The following GRK5 variants were observed in gnomAD, a reference collection of about 807,000 sequenced individuals.
GRK5 encodes g protein-coupled receptor kinase GRK5.
GRK5 carries 40 observed loss-of-function variants against 78.4 expected under a neutral mutation model. The ratio of observed to expected loss-of-function variants is 0.51; its 90% CI spans 0.40 to 0.66. GRK5 has a LOEUF of 0.66. Ranked by LOEUF, GRK5 falls within the 30% of genes least tolerant of loss-of-function variation. The pLI is 0.00. For synonymous variants in GRK5, 289 were observed against 296.8 expected (o/e 0.97, Z 0.27); for missense variants, 598 against 759.9 (o/e 0.79, Z 2.50).
At chr10:119,329,731 AAAAAAC>A (rs902923681) in intron 2 of GRK5, among the ~76,000 whole-genome samples, 36 of 152,150 alleles carry the variant, frequency 2.4e-4, no homozygotes, top group African/African-American at 7.5e-4. Context: ...ACTCTGTCTC[AAAAAAC>A]AAAAACAAAA....
chr10:119,449,150 T>G (rs1853221524), intron 13 of GRK5, among the ~76,000 whole-genome samples: 1 of 151,876 alleles, frequency 6.6e-6, no homozygotes, highest in South Asian at 2.1e-4. Flanking sequence ...TCTTCCCAAT[T>G]CCGTGTCCAA....
At chr10:119,401,033 C>G (rs1286156320) in intron 4 of GRK5, among the ~76,000 whole-genome samples, 1 of 152,150 alleles carries the variant, frequency 6.6e-6, no homozygotes. Context: ...GTGTCCCCGC[C>G]CCAGCATGAC....
At chr10:119,222,329 C>T (rs1359294483) in intron 1 of GRK5, among the ~76,000 whole-genome samples, 2 of 151,912 alleles carry the variant, frequency 1.3e-5, no homozygotes, top group East Asian at 1.9e-4. Flanking sequence ...TGTATCAGGT[C>T]GGGGGGCAGA....
At chr10:119,420,353 CA>C (rs71480796) in intron 4 of GRK5, among the ~76,000 whole-genome samples, 289 of 25,920 alleles carry the variant, frequency 0.011, 1 homozygote, top group African/African-American at 0.025. Flanking sequence ...AACAAACAAA[CA>C]AAAAAAAAAA....
intron 4 of GRK5, among the ~76,000 whole-genome samples, chr10:119,413,992 G>A (rs1230665436): frequency 2.6e-5 from 4 of 152,158 alleles, no homozygotes; most frequent in Non-Finnish European, 5.9e-5. Context: ...CCCCTCCTCT[G>A]TTCCCGCCCC....
intron 1 of GRK5, among the ~76,000 whole-genome samples, chr10:119,270,840 C>T (rs560785381): frequency 1.3e-4 from 20 of 152,256 alleles, no homozygotes; most frequent in African/African-American, 4.8e-4. Flanking sequence ...GTGCTTGGCA[C>T]GTTAGTGCAA....
intron 13 of GRK5, among the ~76,000 whole-genome samples, chr10:119,449,855 G>A (rs1334604708): frequency 6.6e-6 from 1 of 152,180 alleles, no homozygotes; most frequent in Non-Finnish European, 1.5e-5. Flanking sequence ...GAGCAGGCAG[G>A]GGGAGGATGG....
chr10:119,270,434 T>C (rs1849566774), intron 1 of GRK5, among the ~76,000 whole-genome samples: 1 of 152,258 alleles, frequency 6.6e-6, no homozygotes, highest in South Asian at 2.1e-4. Context: ...TACATTGTAT[T>C]AGGTATTAGA....
intron 15 of GRK5, among the ~76,000 whole-genome samples, chr10:119,454,142 C>T (rs75329447): frequency 0.024 from 3,621 of 152,308 alleles, 72 homozygotes; most frequent in Middle Eastern, 0.11. Flanking sequence ...AAAAATACAA[C>T]GCTTCAATGC....
At chr10:119,376,650 C>T (rs754764334) in intron 2 of GRK5, among the ~76,000 whole-genome samples, 6 of 150,868 alleles carry the variant, frequency 4.0e-5, no homozygotes, top group Non-Finnish European at 8.8e-5. Flanking sequence ...CTGCAACCTC[C>T]ACCTCCCAGG....
rs1451283522 is a variant in GRK5, at chr10:119,394,260, C to T, written c.262-2435C>T. On this transcript the variant is annotated intron_variant, in intron 3 of 15. Transcript: ENST00000392870. ...TGTGGGTGTCTGTGTGTGGATGTAT[C>T]TGTGTGTGTGTGGGCGTGTGTGTGG... Among the ~76,000 whole-genome samples, 2 of 4,988 alleles carry T rather than the reference C, an allele frequency of 4.0e-4. 1 individual carries two copies. Among genetic ancestry groups the T allele is most frequent in the East Asian group, 0.029 (2 of 70 alleles). 3.3% of individuals were successfully genotyped at this position (4,988 alleles called of 152,430 possible).
At chr10:119,244,569 C>T (rs1389755015) in intron 1 of GRK5, among the ~76,000 whole-genome samples, 1 of 152,182 alleles carries the variant, frequency 6.6e-6, no homozygotes, top group Non-Finnish European at 1.5e-5. Context: ...CCCATCTCTA[C>T]AGAAAAAACA....
chr10:119,419,938 A>G (rs1042288041), intron 4 of GRK5, among the ~76,000 whole-genome samples: 5 of 152,176 alleles, frequency 3.3e-5, no homozygotes, highest in Non-Finnish European at 5.9e-5. Context: ...AGCTCTGCAG[A>G]GTACCGGGGG....
chr10:119,397,552 G>A (rs2133855093), intron 4 of GRK5, among the ~76,000 whole-genome samples: 1 of 152,310 alleles, frequency 6.6e-6, no homozygotes, highest in South Asian at 2.1e-4. Context: ...AGCTTTGCGT[G>A]TGTCCCATCC....
At chr10:119,433,345 C>G (rs1852858032) in intron 8 of GRK5, among the ~76,000 whole-genome samples, 1 of 152,384 alleles carries the variant, frequency 6.6e-6, no homozygotes, top group East Asian at 1.9e-4. Context: ...AGCCTTGTCT[C>G]TGAAGGGACA....
At chr10:119,296,119 C>A (rs1850075502) in intron 1 of GRK5, among the ~76,000 whole-genome samples, 2 of 152,114 alleles carry the variant, frequency 1.3e-5, no homozygotes, top group South Asian at 4.1e-4. Flanking sequence ...CATCAAGGAC[C>A]CAGGCTCTTC....
At chr10:119,376,188 G>C (rs1275183916) in intron 2 of GRK5, among the ~76,000 whole-genome samples, 2 of 152,158 alleles carry the variant, frequency 1.3e-5, no homozygotes, top group African/African-American at 4.8e-5. Flanking sequence ...GCACAGCTCA[G>C]TGCCCTGCAG....
At chr10:119,246,706 G>A (rs1052112972) in intron 1 of GRK5, among the ~76,000 whole-genome samples, 7 of 152,330 alleles carry the variant, frequency 4.6e-5, no homozygotes, top group East Asian at 1.9e-4. Context: ...GTGGCAGAGC[G>A]TACAATTATG....
rs1184024061 is a variant in GRK5 at position 119,267,342 on chromosome 10, C to T, written c.53-59174C>T. 2.0e-5 allele frequency among the ~76,000 whole-genome samples: 3 copies of T among 152,202 alleles called. No individual in the cohort carries two copies. The highest frequency in any genetic ancestry group is 6.5e-5 in the Admixed American group (1 of 15,286). ...AAGCGATCTTCCCACCTTGGCCTCC[C>T]AAAGTGTGGGATTACAGGTGTGAGC... On this transcript the variant is annotated intron_variant, in intron 1 of 15. Coordinates refer to ENST00000392870, the MANE Select transcript of GRK5 (RefSeq NM_005308.3). This position sits in a 1 kb window ranked among gnomAD's most constrained non-coding sequence, Gnocchi z 4.1.
Sources: gnomAD v4.1 joint callset for allele counts (sites outside exome capture counted in the v4.1 genomes callset) on GRCh38, gnomAD v4.1.1 for gene constraint, Gnocchi (gnomAD v3.1) non-coding constraint, MANE v1.5 for transcripts, NCBI Gene and HGNC (gene_info 2026-07-23, HGNC 2026-07-21) for gene names.